DPP10: variants seen among roughly 807,000 people sequenced by gnomAD.
DPP10 encodes inactive dipeptidyl peptidase 10.
In DPP10, 33 loss-of-function variants were observed where a neutral mutation model predicts 120.9. That is an observed-to-expected ratio of 0.27 (90% confidence interval 0.21 to 0.37). DPP10 has a LOEUF of 0.37. Among genes scored for constraint, DPP10 ranks in the 10% least tolerant of loss-of-function variants. The probability of loss-of-function intolerance (pLI) is 1.00; values close to 1 mark genes in which losing one functional copy is unlikely to be tolerated. For missense variants in DPP10, 816 were observed against 942.8 expected, an observed-to-expected ratio of 0.87 and a Z score of 1.76; for synonymous variants, 337 against 326.1, an observed-to-expected ratio of 1.03 and a Z score of -0.36.
intron 1 of DPP10, among the ~76,000 whole-genome samples, chr2:114,574,586 TC>T (rs1474762434): frequency 6.6e-6 from 1 of 151,950 alleles, no homozygotes; most frequent in African/African-American, 2.4e-5. Flanking sequence ...CAGATCTTTG[TC>T]CCCCCAGCAC....
chr2:115,545,131 A>C (rs1254530176), intron 5 of DPP10, among the ~76,000 whole-genome samples: 1 of 152,076 alleles, frequency 6.6e-6, no homozygotes, highest in Non-Finnish European at 1.5e-5. Flanking sequence ...CCAAATGCTC[A>C]ATAAAAGACT....
chr2:114,455,321 G>A, intron 1 of DPP10, among the ~76,000 whole-genome samples: 1 of 152,044 alleles, frequency 6.6e-6, no homozygotes, highest in Non-Finnish European at 1.5e-5. Flanking sequence ...AAGGTGGACG[G>A]GTTACCTGAT....
chr2:114,659,049 G>A (rs1435569002), intron 1 of DPP10, among the ~76,000 whole-genome samples: 2 of 152,042 alleles, frequency 1.3e-5, no homozygotes, highest in East Asian at 1.9e-4. Flanking sequence ...TCTCTCTCAC[G>A]CTTCTGCTGC....
chr2:115,384,543 GAAGGAAGAAGAAGAGGAA>G, intron 3 of DPP10, among the ~76,000 whole-genome samples: 1 of 103,494 alleles, frequency 9.7e-6, no homozygotes, highest in South Asian at 3.6e-4. Flanking sequence ...GAAAGAAGAA[GAAGGAAGAAGAAGAGGAA>G]GAAGAAGAAG....
chr2:115,394,418 T>A (rs1383800511), intron 3 of DPP10, among the ~76,000 whole-genome samples: 3 of 147,110 alleles, frequency 2.0e-5, no homozygotes, highest in Non-Finnish European at 3.0e-5. Flanking sequence ...TTCTTTTTTT[T>A]AATTAGAAAA....
intron 3 of DPP10, among the ~76,000 whole-genome samples, chr2:115,345,079 A>G (rs1559460239): frequency 6.6e-6 from 1 of 152,118 alleles, no homozygotes; most frequent in Non-Finnish European, 1.5e-5. Flanking sequence ...ATCTGCAGGC[A>G]CTCGAGATTG....
intron 1 of DPP10, among the ~76,000 whole-genome samples, chr2:114,520,063 T>C (rs1302555722): frequency 6.6e-6 from 1 of 152,204 alleles, no homozygotes; most frequent in Non-Finnish European, 1.5e-5. Flanking sequence ...CTTAGAAAAA[T>C]CAATCTCATC....
At chr2:114,714,561 A>G (rs1276809620) in intron 1 of DPP10, among the ~76,000 whole-genome samples, 1 of 152,178 alleles carries the variant, frequency 6.6e-6, no homozygotes, top group Admixed American at 6.5e-5. Context: ...GAAGGAAATG[A>G]GGATGAGCTT....
At chr2:115,221,802 G>A (rs1280014119) in intron 1 of DPP10, among the ~76,000 whole-genome samples, 1 of 135,698 alleles carries the variant, frequency 7.4e-6, no homozygotes, top group East Asian at 2.1e-4. Context: ...AGAAAACCAT[G>A]GTCTATAAGA....
At chr2:115,802,620 G>A (rs1685398551) in intron 19 of DPP10, among the ~76,000 whole-genome samples, 1 of 152,050 alleles carries the variant, frequency 6.6e-6, no homozygotes, top group Non-Finnish European at 1.5e-5. Flanking sequence ...CAGAGATTCT[G>A]GTATATTGTG....
chr2:115,662,762 G>T (rs1270801811), intron 5 of DPP10, among the ~76,000 whole-genome samples: 1 of 152,024 alleles, frequency 6.6e-6, no homozygotes. Flanking sequence ...CAATATTGTT[G>T]CTTGTAGTCA....
chr2:114,777,124 G>A (rs1681819462), intron 1 of DPP10, among the ~76,000 whole-genome samples: 1 of 152,024 alleles, frequency 6.6e-6, no homozygotes, highest in Non-Finnish European at 1.5e-5. Flanking sequence ...AGAAGTAAAT[G>A]AAATGTACTC....
intron 3 of DPP10, among the ~76,000 whole-genome samples, chr2:115,378,250 C>T (rs2065973462): frequency 6.6e-6 from 1 of 151,602 alleles, no homozygotes; most frequent in South Asian, 2.1e-4. Context: ...TTGTAGTTCT[C>T]CTTGAAGAGG....
chr2:115,169,961 T>C (rs1162487426), intron 1 of DPP10, among the ~76,000 whole-genome samples: 8 of 152,182 alleles, frequency 5.3e-5, no homozygotes, highest in Admixed American at 5.2e-4. Flanking sequence ...TCTTATTCCA[T>C]CTGAGAAAGT....
At chr2:115,038,692 AT>A (rs1471234175) in intron 1 of DPP10, among the ~76,000 whole-genome samples, 1 of 152,126 alleles carries the variant, frequency 6.6e-6, no homozygotes, top group East Asian at 1.9e-4. Flanking sequence ...AGTCTCCTTA[AT>A]TGTCACATAA....
intron 1 of DPP10, among the ~76,000 whole-genome samples, chr2:115,100,476 A>G (rs949844660): frequency 2.0e-5 from 3 of 151,896 alleles, no homozygotes; most frequent in African/African-American, 7.3e-5. Flanking sequence ...ACACACACAC[A>G]CACATATGAA....
At chr2:114,604,506 C>T (rs139279760) in intron 1 of DPP10, among the ~76,000 whole-genome samples, 3 of 152,166 alleles carry the variant, frequency 2.0e-5, no homozygotes, top group East Asian at 1.9e-4. Flanking sequence ...AGGCAATGAA[C>T]AATCTACCAA....
intron 1 of DPP10, among the ~76,000 whole-genome samples, chr2:114,469,354 C>T (rs1301154508): frequency 2.0e-5 from 3 of 152,156 alleles, no homozygotes; most frequent in African/African-American, 7.2e-5. Context: ...AAGTAATTAT[C>T]ATTTTTTATT....
At chr2:115,425,066 T>A (rs946505339) in intron 3 of DPP10, among the ~76,000 whole-genome samples, 1 of 152,156 alleles carries the variant, frequency 6.6e-6, no homozygotes, top group African/African-American at 2.4e-5. Flanking sequence ...GTGGAATTAA[T>A]CAGTGAACAA....
Sources: allele counts gnomAD v4.1 joint callset (sites outside exome capture counted in the v4.1 genomes callset), GRCh38; gene constraint gnomAD v4.1.1; transcripts MANE v1.5; gene names NCBI Gene and HGNC (gene_info 2026-07-23, HGNC 2026-07-21).